The following CNTN5 variants were observed in gnomAD, a reference collection of about 807,000 sequenced individuals.
The protein encoded by CNTN5 is contactin-5.
In CNTN5, 77 loss-of-function variants were observed where a neutral mutation model predicts 129.1. That is an observed-to-expected ratio of 0.60 (90% CI 0.50 to 0.72). The LOEUF (loss-of-function observed/expected upper bound fraction) is 0.72. CNTN5 is among the 30% of genes least tolerant of loss of function. The pLI, the probability that CNTN5 is intolerant of heterozygous loss-of-function variation, is 0.00. For synonymous variants in CNTN5, 509 were observed against 465.6 expected (o/e 1.09, Z -1.20); for missense variants, 1,478 against 1,328.8 (o/e 1.11, Z -1.75).
At chr11:99,755,581 C>T (rs1032278911) in intron 3 of CNTN5, among the ~76,000 whole-genome samples, 2 of 151,788 alleles carry the variant, frequency 1.3e-5, no homozygotes, top group East Asian at 1.9e-4. Context: ...TTTTTATTAA[C>T]ATTTAAATGT....
chr11:99,939,889 A>C (rs529592260), intron 7 of CNTN5, among the ~76,000 whole-genome samples: 5 of 152,300 alleles, frequency 3.3e-5, no homozygotes, highest in African/African-American at 1.2e-4. Context: ...CTTAAAAATA[A>C]AATGAAAACT....
At chr11:99,633,684 TATAAAGCCACAA>T (rs1404959165) in intron 3 of CNTN5, among the ~76,000 whole-genome samples, 1 of 152,186 alleles carries the variant, frequency 6.6e-6, no homozygotes, top group African/African-American at 2.4e-5. Flanking sequence ...CCCTCGGTGC[TATAAAGCCACAA>T]AAGAAAAGCC....
chr11:99,893,894 G>A (rs1949130353), intron 6 of CNTN5, among the ~76,000 whole-genome samples: 3 of 152,018 alleles, frequency 2.0e-5, no homozygotes, highest in Non-Finnish European at 4.4e-5. Context: ...ATCTGGCTTT[G>A]CATAGTTTAA....
chr11:99,991,866 G>A (rs2137417757), intron 8 of CNTN5, among the ~76,000 whole-genome samples: 1 of 152,194 alleles, frequency 6.6e-6, no homozygotes, highest in African/African-American at 2.4e-5. Flanking sequence ...CTGTGAACAG[G>A]ACAAAGGGGT....
chr11:100,247,940 A>C (rs550643079), intron 16 of CNTN5, among the ~76,000 whole-genome samples: 2 of 152,218 alleles, frequency 1.3e-5, no homozygotes, highest in African/African-American at 2.4e-5. Flanking sequence ...TTTTCAATTT[A>C]TCTCTCTGCA....
intron 1 of CNTN5, among the ~76,000 whole-genome samples, chr11:99,306,878 C>T (rs1591499045): frequency 1.3e-5 from 2 of 151,996 alleles, no homozygotes; most frequent in East Asian, 3.9e-4. Flanking sequence ...TATTAAACTT[C>T]TAAAAGTATT....
At chr11:99,277,951 A>T (rs1002672290) in intron 1 of CNTN5, among the ~76,000 whole-genome samples, 1 of 151,630 alleles carries the variant, frequency 6.6e-6, no homozygotes, top group African/African-American at 2.4e-5. Context: ...CAAAGAGAGG[A>T]AGTTCTGATT....
chr11:100,156,430 C>T (rs749038382), intron 13 of CNTN5, among the ~76,000 whole-genome samples: 2 of 152,056 alleles, frequency 1.3e-5, no homozygotes, highest in South Asian at 2.1e-4. Context: ...CTTTTCACAT[C>T]GACGTTCATC....
At position 99,926,923 on chromosome 11, in the gene CNTN5, TG is replaced by T. The variant is rs751553823; in HGVS notation, c.673+10775del. 5.9e-5 allele frequency among the ~76,000 whole-genome samples: 9 copies of T among 152,320 alleles called. No homozygotes were observed. In the East Asian group the frequency reaches 9.6e-4, roughly 16 times the overall value. On this transcript the variant is annotated intron_variant, in intron 7 of 24. Transcript: ENST00000524871. ...ACAGTTTTACTTTGAAATACGTTAA[TG>T]TTGTATTCTTACATTTTATAAATAA...
rs548102579 is a variant in CNTN5 at position 100,010,039 on chromosome 11, C to T, written c.980+7903C>T. On this transcript the variant is annotated intron_variant, in intron 9 of 24. Transcript: ENST00000524871. ...GGGTTATTGTGGATATTTCCAAGGTCGGCTTTTAAACATCAGGTACAATAC... is the reference window on the plus strand; with the variant it reads ...GGGTTATTGTGGATATTTCCAAGGTTGGCTTTTAAACATCAGGTACAATAC... Among the ~76,000 whole-genome samples, 31 of 152,162 alleles carry T rather than the reference C, an allele frequency of 2.0e-4. 1 individual carries two copies. The South Asian group carries it at 4.8e-3, about 23-fold the overall frequency.
intron 2 of CNTN5, among the ~76,000 whole-genome samples, chr11:99,480,112 A>G (rs1395096264): frequency 1.3e-5 from 2 of 152,216 alleles, no homozygotes; most frequent in Non-Finnish European, 1.5e-5. Flanking sequence ...GCTGGTTGTA[A>G]GTAAGCATGA....
At chr11:99,600,954 A>G (rs17133912) in intron 3 of CNTN5, among the ~76,000 whole-genome samples, 1,657 of 152,274 alleles carry the variant, frequency 0.011, 35 homozygotes, top group African/African-American at 0.036. Context: ...AGCAGCATTT[A>G]TATCTACTGC....
intron 1 of CNTN5, among the ~76,000 whole-genome samples, chr11:99,185,439 T>C (rs1442297631): frequency 1.3e-5 from 2 of 152,052 alleles, no homozygotes; most frequent in East Asian, 3.9e-4. Flanking sequence ...ATTACTAAAA[T>C]AGACTAATTC....
intron 4 of CNTN5, among the ~76,000 whole-genome samples, chr11:99,831,580 G>A (rs926349035): frequency 6.6e-6 from 1 of 152,026 alleles, no homozygotes; most frequent in Non-Finnish European, 1.5e-5. Context: ...AGCTATAGCG[G>A]ATCCAACTGG....
rs186658510 is a variant in CNTN5, at chr11:100,327,142, T to C, written c.2731-13321T>C. 1.9e-4 allele frequency among the ~76,000 whole-genome samples: 29 copies of C among 152,372 alleles called. No homozygotes were observed. In the East Asian group the frequency reaches 4.0e-3, roughly 21 times the overall value. On this transcript the variant is annotated intron_variant, in intron 21 of 24. Coordinates refer to ENST00000524871, the MANE Select transcript of CNTN5 (RefSeq NM_014361.4). Reference sequence around the variant, plus strand: ...CTAACTTGATACCGCTGTGTGTATCTTTTCAAAACACAAACCTAATTGTGC... The same window carrying C: ...CTAACTTGATACCGCTGTGTGTATCCTTTCAAAACACAAACCTAATTGTGC...
intron 15 of CNTN5, among the ~76,000 whole-genome samples, chr11:100,197,324 C>T (rs144099095): frequency 3.2e-4 from 48 of 152,062 alleles, no homozygotes; most frequent in African/African-American, 1.2e-3. Flanking sequence ...ATTTTGAGTA[C>T]AGCAGGGATT....
At chr11:99,152,179 A>G (rs2155567) in intron 1 of CNTN5, among the ~76,000 whole-genome samples, 138,091 of 151,998 alleles carry the variant, frequency 0.91, 62,987 homozygotes, top group East Asian at 0.99. Flanking sequence ...ATGATAATAA[A>G]CTTGCGCCCA....
chr11:99,591,355 T>TTTTTG (rs1949974061), intron 3 of CNTN5, among the ~76,000 whole-genome samples: 2 of 149,488 alleles, frequency 1.3e-5, no homozygotes, highest in African/African-American at 2.5e-5. Flanking sequence ...TTTTTTTTTT[T>TTTTTG]GAGACAGAAT....
chr11:99,798,656 G>A (rs1319994147), intron 3 of CNTN5, among the ~76,000 whole-genome samples: 1 of 152,132 alleles, frequency 6.6e-6, no homozygotes, highest in Non-Finnish European at 1.5e-5. Context: ...CCATGGAGCT[G>A]TTTTGAGTAC....
Sources: gnomAD v4.1 joint callset for allele counts (sites outside exome capture counted in the v4.1 genomes callset) on GRCh38, gnomAD v4.1.1 for gene constraint, MANE v1.5 for transcripts, NCBI Gene and HGNC (gene_info 2026-07-23, HGNC 2026-07-21) for gene names.